The following TMEM132B variants were observed in gnomAD, a reference collection of about 807,000 sequenced individuals.
TMEM132B encodes the protein transmembrane protein 132B.
In TMEM132B, 18 loss-of-function variants were observed where a neutral mutation model predicts 90.8. The observed-to-expected ratio is 0.20, with a 90% confidence interval of 0.14 to 0.29. The LOEUF is 0.29. TMEM132B is among the 10% of genes least tolerant of loss of function. TMEM132B has a pLI of 1.00. For missense variants in TMEM132B, 1,096 were observed against 1,326.8 expected, an observed-to-expected ratio of 0.83 and a Z score of 2.70; for synonymous variants, 504 against 523.3, an observed-to-expected ratio of 0.96 and a Z score of 0.50.
intron 3 of TMEM132B, among the ~76,000 whole-genome samples, chr12:125,518,373 C>G (rs1287873380): frequency 1.3e-5 from 2 of 152,186 alleles, no homozygotes; most frequent in African/African-American, 2.4e-5. Flanking sequence ...CCTAGGCCCC[C>G]AGAGGCAGGA....
At chr12:125,560,391 A>T (rs10846918) in intron 4 of TMEM132B, among the ~76,000 whole-genome samples, 2 of 152,150 alleles carry the variant, frequency 1.3e-5, no homozygotes, top group Non-Finnish European at 2.9e-5. Flanking sequence ...TAAGTCATTC[A>T]GTCCTGTTCT....
At chr12:125,190,951 A>G (rs1220423961) in intron 1 of TMEM132B, among the ~76,000 whole-genome samples, 1 of 20,164 alleles carries the variant, frequency 5.0e-5, no homozygotes, top group Non-Finnish European at 1.0e-4. Context: ...AGGGGTGGTG[A>G]TGGGGAAGGG....
Position 125,349,465 on chromosome 12 carries a change from A to C in TMEM132B, c.81A>C (p.Arg27=), listed in dbSNP as rs1402702734. 1.9e-6 allele frequency: 3 copies of C among 1,609,718 alleles called. No homozygotes were observed. Among genetic ancestry groups the C allele is most frequent in the African/African-American group, 2.7e-5 (2 of 74,764 alleles). Residue 27 remains arginine (R), a synonymous_variant, in exon 2 of 9, where the codon CGA becomes CGC. Coordinates refer to ENST00000682704, the MANE Select transcript of TMEM132B (RefSeq NM_001366854.1). The surrounding 1 kb of genome is among the most constrained non-coding windows in gnomAD (Gnocchi z 4.1). ...TTTCTTGTGCAGTGACAGAGAGTCG[A>C]GGGATTGTGGATAGCCTGCAGAAGT... is the stretch of plus-strand genomic sequence containing the variant. ...TALQCPVTES[R]GIVDSLQKFS... is the part of the protein sequence containing the mutation.
chr12:125,546,459 G>A (rs947664237), intron 4 of TMEM132B, among the ~76,000 whole-genome samples: 1 of 152,186 alleles, frequency 6.6e-6, no homozygotes, highest in African/African-American at 2.4e-5. Flanking sequence ...TGGGATTACA[G>A]GCATGAGCCA....
chr12:125,581,903 T>G (rs1032171296), intron 4 of TMEM132B, among the ~76,000 whole-genome samples: 9 of 152,250 alleles, frequency 5.9e-5, no homozygotes, highest in Admixed American at 2.0e-4. Flanking sequence ...TATATGTAAG[T>G]GTGCACAGAA....
At chr12:125,325,615 C>T (rs1876538560) in intron 1 of TMEM132B, among the ~76,000 whole-genome samples, 1 of 151,684 alleles carries the variant, frequency 6.6e-6, no homozygotes, top group African/African-American at 2.4e-5. Flanking sequence ...GAAGTTGGCT[C>T]ATTTTTATGT....
intron 3 of TMEM132B, among the ~76,000 whole-genome samples, chr12:125,462,865 T>A: frequency 6.6e-6 from 1 of 152,316 alleles, no homozygotes; most frequent in East Asian, 1.9e-4. Context: ...TTGGCATATT[T>A]GTTTGTTTGT....
chr12:125,644,009 A>G, intron 5 of TMEM132B, 67 bp from the exon 6 acceptor site: 4 of 1,420,916 alleles, frequency 2.8e-6, no homozygotes, highest in South Asian at 1.2e-5. Context: ...ATGAACTTTC[A>G]CTGTTGTTGT....
Position 125,660,228 on chromosome 12 carries a change from A to C in TMEM132B, c.*5518A>C, listed in dbSNP as rs185761214. 6.6e-6 allele frequency: 1 copy of C among 152,408 alleles called. No individual in the cohort carries two copies. Among genetic ancestry groups the C allele is most frequent in the Admixed American group, 6.5e-5 (1 of 15,302 alleles). The allele number at this position is 152,408 out of a possible 1,614,324, so 9.4% of individuals were successfully genotyped here. The stretch of plus-strand genomic sequence containing the variant: ...CGTACCACTGCACTCTGGCCTGGGC[A>C]ACAAGAGCGAGACTTTGTCTCAAAC... On this transcript the variant is annotated 3_prime_UTR_variant, in exon 9 of 9. Coordinates refer to ENST00000682704, the MANE Select transcript of TMEM132B (RefSeq NM_001366854.1).
In TMEM132B at chr12:125,349,144, T is replaced by C. The variant is rs1428227262; in HGVS notation, c.68-308T>C. 1.3e-5 allele frequency among the ~76,000 whole-genome samples: 2 copies of C among 152,166 alleles called. No individual in the cohort carries two copies. The highest frequency in any genetic ancestry group is 1.5e-5 in the Non-Finnish European group (1 of 68,034). ...TGGGGTAGATGAACAACGATGACCA[T>C]GATCTTTTGAGTTTATGATTTCGCA... On this transcript the variant is annotated intron_variant, in intron 1 of 8. Coordinates refer to ENST00000682704, the MANE Select transcript of TMEM132B (RefSeq NM_001366854.1). The surrounding 1 kb of genome is among the most constrained non-coding windows in gnomAD (Gnocchi z 4.1).
chr12:125,647,668 C>T (rs1237732996), intron 6 of TMEM132B, among the ~76,000 whole-genome samples: 1 of 151,980 alleles, frequency 6.6e-6, no homozygotes, highest in Admixed American at 6.6e-5. Flanking sequence ...TTTCAGGAGA[C>T]CTACCTTTAA....
chr12:125,544,749 G>A (rs1884046697), intron 4 of TMEM132B, among the ~76,000 whole-genome samples: 2 of 152,206 alleles, frequency 1.3e-5, no homozygotes, highest in South Asian at 2.1e-4. Flanking sequence ...GGGGAGAGTG[G>A]TAGGGCTGAG....
At chr12:125,421,959 C>T (rs1403231556) in intron 3 of TMEM132B, among the ~76,000 whole-genome samples, 1 of 152,192 alleles carries the variant, frequency 6.6e-6, no homozygotes, top group African/African-American at 2.4e-5. Context: ...GTAGTTTTTC[C>T]TACCTGACCC....
chr12:125,440,542 G>A (rs7954425), intron 3 of TMEM132B, among the ~76,000 whole-genome samples: 84,029 of 151,862 alleles, frequency 0.55, 24,893 homozygotes, highest in African/African-American at 0.78. Flanking sequence ...TTATTTTCCC[G>A]TTAATAAATG....
rs1175978839 is a variant in TMEM132B, at chr12:125,654,529, C to G, written c.3071C>G (p.Pro1024Arg). 6.2e-7 allele frequency: 1 copy of G among 1,613,950 alleles called. No homozygotes were observed. Among genetic ancestry groups the G allele is most frequent in the Non-Finnish European group, 8.5e-7 (1 of 1,180,034 alleles). ...AATGAACCTATGAATTCTTCGGGCC[C>G]AAAGAGGAAGAGAGTCAAGTTCACT... is the stretch of plus-strand genomic sequence containing the variant. ...IKNEPMNSSG[P>R]KRKRVKFTSY... The change falls in exon 9 of 9, where the codon CCA becomes CGA. Residue 1024 changes from proline (P) to arginine (R), a missense_variant. By Grantham distance (103) the Pro-to-Arg change is moderately radical. Transcript: ENST00000682704. This position sits in a 1 kb window ranked among gnomAD's most constrained non-coding sequence, Gnocchi z 5.8.
At chr12:125,216,536 T>C (rs1873441942) in intron 1 of TMEM132B, among the ~76,000 whole-genome samples, 1 of 152,200 alleles carries the variant, frequency 6.6e-6, no homozygotes, top group Non-Finnish European at 1.5e-5. Context: ...GGAGGCCTTC[T>C]TTGTGTCTTT....
intron 4 of TMEM132B, among the ~76,000 whole-genome samples, chr12:125,572,997 AT>A (rs1171043237): frequency 6.6e-6 from 1 of 152,114 alleles, no homozygotes; most frequent in Admixed American, 6.6e-5. Flanking sequence ...TCCTTTTGAC[AT>A]TTTTTTTGAG....
At chr12:125,243,029 A>ATATATATATATT in intron 1 of TMEM132B, among the ~76,000 whole-genome samples, 1 of 142,316 alleles carries the variant, frequency 7.0e-6, no homozygotes, top group Non-Finnish European at 1.5e-5. Context: ...ATATATATAT[A>ATATATATATATT]TATACACACA....
At chr12:125,503,466 C>T (rs184818676) in intron 3 of TMEM132B, among the ~76,000 whole-genome samples, 146 of 152,270 alleles carry the variant, frequency 9.6e-4, no homozygotes, top group African/African-American at 3.4e-3. Context: ...GCTGACTCAC[C>T]GCTGGATCTC....
Sources: gnomAD v4.1 joint callset for allele counts (sites outside exome capture counted in the v4.1 genomes callset) on GRCh38, gnomAD v4.1.1 for gene constraint, Gnocchi (gnomAD v3.1) non-coding constraint, MANE v1.5 for transcripts, NCBI Gene and HGNC (gene_info 2026-07-23, HGNC 2026-07-21) for gene names.